The following AGAP1 variants were observed in gnomAD, a reference collection of about 807,000 sequenced individuals.
AGAP1 encodes the protein arf-GAP with GTPase, ANK repeat and PH domain-containing protein 1.
In AGAP1, 29 loss-of-function variants were observed where a neutral mutation model predicts 105.3. The observed-to-expected ratio is 0.28, with a 90% confidence interval of 0.21 to 0.38. The LOEUF (loss-of-function observed/expected upper bound fraction) is 0.38. Among genes scored for constraint, AGAP1 ranks in the 10% least tolerant of loss-of-function variants. AGAP1 has a pLI of 1.00. For missense variants in AGAP1, 998 were observed against 1,165.1 expected, an observed-to-expected ratio of 0.86 and a Z score of 2.09; for synonymous variants, 509 against 485.9, an observed-to-expected ratio of 1.05 and a Z score of -0.63.
rs967302260 is a variant in AGAP1, at chr2:235,981,208, C to T, written c.1645+12585C>T. ...GTGGTCACTAAGCTTATATGAGGGA[C>T]GAGAGCCGTAGCATTGCTCCAGCAG... On this transcript the variant is annotated intron_variant, in intron 13 of 17. Transcript: ENST00000304032. The surrounding 1 kb of genome is among the most constrained non-coding windows in gnomAD (Gnocchi z 5.5). Among the ~76,000 whole-genome samples the T allele has an allele frequency of 4.6e-5, 7 of 152,094 alleles. No individual in the cohort carries two copies. Among genetic ancestry groups the T allele is most frequent in the Admixed American group, 1.3e-4 (2 of 15,276 alleles).
rs2149716062 is a variant in AGAP1, at chr2:235,751,369, G to A, written c.673+881G>A. ...CTCCCCTTCTGGTTTAAATCCATGG[G>A]GGCAGAGCCACCTGTCCCCCTGCTC... is the stretch of plus-strand genomic sequence containing the variant. On this transcript the variant is annotated intron_variant, in intron 6 of 17. Coordinates refer to ENST00000304032, the MANE Select transcript of AGAP1 (RefSeq NM_001037131.3). This position sits in a 1 kb window ranked among gnomAD's most constrained non-coding sequence, Gnocchi z 5.3. 6.6e-6 allele frequency among the ~76,000 whole-genome samples: 1 copy of A among 152,204 alleles called. No homozygotes were observed. The highest frequency in any genetic ancestry group is 2.4e-5 in the African/African-American group (1 of 41,520).
chr2:236,069,231 T>TA (rs1292787940), intron 16 of AGAP1, among the ~76,000 whole-genome samples: 1 of 152,250 alleles, frequency 6.6e-6, no homozygotes, highest in Admixed American at 6.5e-5. Context: ...TTACATTATA[T>TA]AAAATACATG....
intron 6 of AGAP1, among the ~76,000 whole-genome samples, chr2:235,786,406 G>A (rs1346557942): frequency 6.6e-6 from 1 of 152,128 alleles, no homozygotes; most frequent in Non-Finnish European, 1.5e-5. Context: ...TCTGCTCTTC[G>A]GAAGATCTTT....
Position 235,601,038 on chromosome 2 carries a change from G to C in AGAP1, c.163+106189G>C, listed in dbSNP as rs890548837. On this transcript the variant is annotated intron_variant, in intron 1 of 17. Transcript: ENST00000304032. The surrounding 1 kb of genome is among the most constrained non-coding windows in gnomAD (Gnocchi z 4.4). ...CTCACTGCCTTCAGTATCCAGCCAAGCTGGGAAACGCCACTGCCACAGTAC... is the reference window on the plus strand; with the variant it reads ...CTCACTGCCTTCAGTATCCAGCCAACCTGGGAAACGCCACTGCCACAGTAC... 2.0e-5 allele frequency among the ~76,000 whole-genome samples: 3 copies of C among 152,192 alleles called. No individual in the cohort carries two copies. The highest frequency in any genetic ancestry group is 7.2e-5 in the African/African-American group (3 of 41,450).
chr2:235,495,625 C>G (rs1277765436), intron 1 of AGAP1, among the ~76,000 whole-genome samples: 1 of 152,264 alleles, frequency 6.6e-6, no homozygotes, highest in African/African-American at 2.4e-5. Flanking sequence ...CTCTGCATGT[C>G]AGGCAGGGCC....
At chr2:235,583,869 G>A (rs1340881659) in intron 1 of AGAP1, among the ~76,000 whole-genome samples, 4 of 108,938 alleles carry the variant, frequency 3.7e-5, no homozygotes, top group Non-Finnish European at 7.1e-5. Flanking sequence ...ATGAGATCAT[G>A]TCTTAAAAAA....
intron 1 of AGAP1, among the ~76,000 whole-genome samples, chr2:235,546,325 TATCCC>T (rs1291078957): frequency 1.3e-5 from 2 of 152,192 alleles, no homozygotes; most frequent in African/African-American, 4.8e-5. Context: ...TCCTTGATTA[TATCCC>T]ACAAAGAGAA....
At position 236,025,908 on chromosome 2, in the gene AGAP1, G is replaced by GTGGGTGGATGGATGGA. The variant is rs547504974; in HGVS notation, c.1646-10650_1646-10649insGTGGATGGATGGATGG. Among the ~76,000 whole-genome samples the GTGGGTGGATGGATGGA allele has an allele frequency of 1.0e-3, 101 of 100,368 alleles. 2 individuals are homozygous for GTGGGTGGATGGATGGA. The highest frequency in any genetic ancestry group is 4.0e-3 in the South Asian group (8 of 2,016). 65.8% of individuals were successfully genotyped at this position (100,368 alleles called of 152,430 possible). ...CAGAGGGAGACTCCTTCTCGGGTGG[G>GTGGGTGGATGGATGGA]TGGATGGATGGATGGATGGATGGAT... On this transcript the variant is annotated intron_variant, in intron 13 of 17. Coordinates refer to ENST00000304032, the MANE Select transcript of AGAP1 (RefSeq NM_001037131.3).
chr2:235,949,277 G>A (rs1399406065), intron 12 of AGAP1, among the ~76,000 whole-genome samples: 1 of 152,292 alleles, frequency 6.6e-6, no homozygotes, highest in East Asian at 1.9e-4. Flanking sequence ...AAAATTTTCA[G>A]ATTTCAGAAC....
intron 9 of AGAP1, among the ~76,000 whole-genome samples, chr2:235,808,638 C>G (rs1002579475): frequency 3.3e-5 from 5 of 152,198 alleles, no homozygotes; most frequent in African/African-American, 7.2e-5. Flanking sequence ...TTTCTCCTTC[C>G]GTGCTCACAG....
At chr2:235,912,128 C>T (rs2051648235) in intron 11 of AGAP1, among the ~76,000 whole-genome samples, 1 of 152,218 alleles carries the variant, frequency 6.6e-6, no homozygotes, top group South Asian at 2.1e-4. Flanking sequence ...GAAGCAGCTT[C>T]ATTAAAATCT....
At chr2:235,850,509 G>A (rs1248962253) in intron 9 of AGAP1, among the ~76,000 whole-genome samples, 1 of 152,204 alleles carries the variant, frequency 6.6e-6, no homozygotes, top group African/African-American at 2.4e-5. Context: ...TAGTGTCCAT[G>A]CACCTTGGTG....
rs543107243 is a variant in AGAP1, at chr2:235,550,403, G to T, written c.163+55554G>T. 4.6e-5 allele frequency among the ~76,000 whole-genome samples: 7 copies of T among 152,290 alleles called. No individual in the cohort carries two copies. The East Asian group carries it at 9.7e-4, about 21-fold the overall frequency. On this transcript the variant is annotated intron_variant, in intron 1 of 17. Coordinates refer to ENST00000304032, the MANE Select transcript of AGAP1 (RefSeq NM_001037131.3). The surrounding 1 kb of genome is among the most constrained non-coding windows in gnomAD (Gnocchi z 4.6). ...ACTTCTCATAGCTGTTCGTCATTGGGAGTCACTGAGCATGCACACGGGCTG... is the reference window on the plus strand; with the variant it reads ...ACTTCTCATAGCTGTTCGTCATTGGTAGTCACTGAGCATGCACACGGGCTG...
At chr2:236,039,207 G>A (rs1022773962) in intron 14 of AGAP1, among the ~76,000 whole-genome samples, 2 of 152,176 alleles carry the variant, frequency 1.3e-5, no homozygotes, top group South Asian at 2.1e-4. Flanking sequence ...TGCTTTGGGA[G>A]GCTAAGGTGG....
chr2:235,895,301 C>T (rs569899519), intron 10 of AGAP1, among the ~76,000 whole-genome samples: 3 of 152,250 alleles, frequency 2.0e-5, no homozygotes, highest in Non-Finnish European at 2.9e-5. Flanking sequence ...CCCTCTCCCG[C>T]TTGGTTGATG....
In AGAP1 at chr2:235,901,301, G is replaced by C. The variant is rs1429601382; in HGVS notation, c.1156-7437G>C. Among the ~76,000 whole-genome samples the C allele has an allele frequency of 1.3e-5, 2 of 151,400 alleles. No individual in the cohort carries two copies. The highest frequency in any genetic ancestry group is 2.9e-5 in the Non-Finnish European group (2 of 67,894). ...ACATACTTTTTTTTTTTTGAGCCCA[G>C]AAGTGAGGCTTTTTAAAAATAGAAC... On this transcript the variant is annotated intron_variant, in intron 10 of 17. Coordinates refer to ENST00000304032, the MANE Select transcript of AGAP1 (RefSeq NM_001037131.3). The surrounding 1 kb of genome is among the most constrained non-coding windows in gnomAD (Gnocchi z 4.3).
At chr2:235,587,663 G>A (rs1945162930) in intron 1 of AGAP1, among the ~76,000 whole-genome samples, 1 of 152,066 alleles carries the variant, frequency 6.6e-6, no homozygotes, top group Non-Finnish European at 1.5e-5. Flanking sequence ...GCTGAGGCAG[G>A]AGAATTGCTT....
intron 17 of AGAP1, among the ~76,000 whole-genome samples, chr2:236,122,717 C>G (rs2059929754): frequency 7.4e-6 from 1 of 134,640 alleles, no homozygotes; most frequent in Non-Finnish European, 1.5e-5. Flanking sequence ...GAGTCTCACT[C>G]TGTCTCCCGG....
chr2:235,523,741 C>T (rs937772066), intron 1 of AGAP1, among the ~76,000 whole-genome samples: 3 of 151,628 alleles, frequency 2.0e-5, no homozygotes, highest in East Asian at 1.9e-4. Flanking sequence ...GGCCTTGGGT[C>T]GAAAGGCCGA....
Sources: allele counts gnomAD v4.1 joint callset (sites outside exome capture counted in the v4.1 genomes callset), GRCh38; gene constraint gnomAD v4.1.1; non-coding constraint Gnocchi (gnomAD v3.1); transcripts MANE v1.5; gene names NCBI Gene and HGNC (gene_info 2026-07-23, HGNC 2026-07-21).